Variants in MTCL1 observed in about 807,000 individuals in gnomAD.
The protein encoded by MTCL1 is microtubule crosslinking factor 1, also known as microtubule cross-linking factor 1.
In MTCL1, 79 loss-of-function variants were observed where a neutral mutation model predicts 141.4. The observed-to-expected ratio is 0.56, with a 90% CI of 0.47 to 0.67. The LOEUF is 0.67. Ranked by LOEUF, MTCL1 falls within the 30% of genes least tolerant of loss-of-function variation. The pLI is 0.00. For synonymous variants in MTCL1, 914 were observed against 875.8 expected (o/e 1.04, Z -0.77); for missense variants, 2,177 against 2,113.9 (o/e 1.03, Z -0.59).
exon 15 of MTCL1, chr18:8,825,483 A>G (rs757884376): frequency 1.2e-6 from 2 of 1,609,744 alleles, no homozygotes; most frequent in Non-Finnish European, 1.7e-6. Context: ...TGTTCAGACC[A>G]TCAGTGTGGG....
At chr18:8,789,739 AG>A (rs1338964383) in intron 7 of MTCL1, 1 of 984,034 alleles carries the variant, frequency 1.0e-6, no homozygotes, top group Non-Finnish European at 1.2e-6. Context: ...GAACAAAAAA[AG>A]GGTTTTTTTT....
At chr18:8,823,226 G>C (rs2076905502) in intron 14 of MTCL1, among the ~76,000 whole-genome samples, 2 of 151,948 alleles carry the variant, frequency 1.3e-5, no homozygotes, top group Admixed American at 1.3e-4. Context: ...TGTTTGCTTT[G>C]GCCACTGCTG....
At chr18:8,798,438 G>A in intron 10 of MTCL1, 147 bp downstream of exon 9, 2 of 634,000 alleles carry the variant, frequency 3.2e-6, no homozygotes, top group Non-Finnish European at 5.0e-6. Flanking sequence ...TGTCATTTGT[G>A]ATGCTGGGTT....
chr18:8,783,983 T>A, exon 6 of MTCL1: 1 of 1,613,346 alleles, frequency 6.2e-7, no homozygotes, highest in Non-Finnish European at 8.5e-7. Context: ...GCTCCGGAGG[T>A]CCATCTCCGA....
At chr18:8,767,241 C>G (rs1308766638) in intron 4 of MTCL1, among the ~76,000 whole-genome samples, 1 of 152,214 alleles carries the variant, frequency 6.6e-6, no homozygotes, top group Non-Finnish European at 1.5e-5. Context: ...ATGAGAATTG[C>G]TGAAGATTTG....
chr18:8,825,107 G>A, exon 15 of MTCL1: 5 of 1,602,880 alleles, frequency 3.1e-6, no homozygotes, highest in Non-Finnish European at 4.3e-6. Flanking sequence ...CGCCTGCCGT[G>A]CGCAGGGTCG....
chr18:8,810,469 G>A lies in MTCL1; in HGVS notation c.2605-2510G>A, dbSNP rs1422113315. On this transcript the variant is annotated intron_variant, in intron 11 of 16. Coordinates refer to ENST00000359865, the Ensembl canonical transcript of MTCL1. This position sits in a 1 kb window ranked among gnomAD's most constrained non-coding sequence, Gnocchi z 5.0. The stretch of plus-strand genomic sequence containing the variant: ...ACAGAGGAGCTTGTGGGCAGAAGGA[G>A]TGTCCCTTCACTGTCTTCACAAAGC... 1.3e-5 allele frequency among the ~76,000 whole-genome samples: 2 copies of A among 152,186 alleles called. No individual in the cohort carries two copies. Among genetic ancestry groups the A allele is most frequent in the Non-Finnish European group, 2.9e-5 (2 of 68,024 alleles).
At chr18:8,758,482 C>T (rs1449095707) in intron 4 of MTCL1, among the ~76,000 whole-genome samples, 3 of 152,008 alleles carry the variant, frequency 2.0e-5, no homozygotes, top group Non-Finnish European at 4.4e-5. Flanking sequence ...CTGGGGTTTC[C>T]TTCATTCATA....
chr18:8,798,228 G>A (rs1279639528), exon 10 of MTCL1: 1 of 1,593,332 alleles, frequency 6.3e-7, no homozygotes, highest in East Asian at 2.3e-5. Flanking sequence ...CACACTCCCG[G>A]GTGCAGATTG....
At chr18:8,818,007 C>T (rs2076714707) in intron 12 of MTCL1, among the ~76,000 whole-genome samples, 1 of 152,182 alleles carries the variant, frequency 6.6e-6, no homozygotes, top group Non-Finnish European at 1.5e-5. Context: ...CCTGCCTCAG[C>T]AGTTCCTTGT....
intron 7 of MTCL1, among the ~76,000 whole-genome samples, chr18:8,788,845 A>G (rs1052016477): frequency 7.2e-5 from 11 of 152,228 alleles, no homozygotes; most frequent in Non-Finnish European, 1.3e-4. Context: ...TGCTAAAAAA[A>G]CACTTCAGGA....
intron 7 of MTCL1, 22 bp downstream of exon 6, chr18:8,786,113 C>CCCCCT: frequency 7.2e-7 from 1 of 1,383,504 alleles, no homozygotes; most frequent in Non-Finnish European, 9.5e-7. Flanking sequence ...CAAGCAATCC[C>CCCCCT]CCCCCCCCGC....
At chr18:8,795,724 C>T (rs942773264) in intron 8 of MTCL1, among the ~76,000 whole-genome samples, 2 of 152,188 alleles carry the variant, frequency 1.3e-5, no homozygotes, top group African/African-American at 4.8e-5. Flanking sequence ...GAATTCCTTC[C>T]ACCCAGCCTG....
At chr18:8,746,483 A>G (rs764284623) in intron 4 of MTCL1, among the ~76,000 whole-genome samples, 4 of 152,194 alleles carry the variant, frequency 2.6e-5, no homozygotes, top group Non-Finnish European at 5.9e-5. Context: ...TCTTATGAGC[A>G]TTGTCATTCT....
chr18:8,793,161 C>G, intron 8 of MTCL1, 41 bp downstream of exon 7: 1 of 1,607,756 alleles, frequency 6.2e-7, no homozygotes. Context: ...GCTTTGTGAA[C>G]TGCAGAGCCC....
At chr18:8,786,331 T>C (rs570793195) in intron 7 of MTCL1, 1 of 688,230 alleles carries the variant, frequency 1.5e-6, no homozygotes, top group South Asian at 1.5e-5. Context: ...CTGTAGGCAC[T>C]GTCCACCTCC....
intron 4 of MTCL1, among the ~76,000 whole-genome samples, chr18:8,758,078 G>A (rs1014732694): frequency 8.1e-5 from 12 of 148,858 alleles, no homozygotes; most frequent in African/African-American, 2.5e-4. Context: ...GCTGGAGAGT[G>A]CAATGGCGCG....
intron 13 of MTCL1, among the ~76,000 whole-genome samples, chr18:8,819,846 A>C (rs531389196): frequency 6.6e-6 from 1 of 152,222 alleles, no homozygotes; most frequent in African/African-American, 2.4e-5. Flanking sequence ...CCTGGGCTCA[A>C]GTGATCTGTC....
rs1352137017 is a variant in MTCL1 at position 8,822,028 on chromosome 18, T to G, written c.3188+530T>G. Among the ~76,000 whole-genome samples the G allele has an allele frequency of 1.3e-5, 2 of 152,246 alleles. No homozygotes were observed. The highest frequency in any genetic ancestry group is 2.9e-5 in the Non-Finnish European group (2 of 68,054). ...ACTTTTTCATCATTCTCCAAATGAA[T>G]ACATACCGTTTCTACTACATGAAAT... is the stretch of plus-strand genomic sequence containing the variant. On this transcript the variant is annotated intron_variant, in intron 14 of 16. Coordinates refer to ENST00000359865, the Ensembl canonical transcript of MTCL1. The surrounding 1 kb of genome is among the most constrained non-coding windows in gnomAD (Gnocchi z 4.6).
Sources: allele counts gnomAD v4.1 joint callset (sites outside exome capture counted in the v4.1 genomes callset), GRCh38; gene constraint gnomAD v4.1.1; non-coding constraint Gnocchi (gnomAD v3.1); transcripts MANE v1.5; gene names NCBI Gene and HGNC (gene_info 2026-07-23, HGNC 2026-07-21).